TEAD4: variants seen among roughly 807,000 people sequenced by gnomAD.
TEAD4 encodes the protein transcriptional enhancer factor TEF-3.
In TEAD4, 36 loss-of-function variants were observed where a neutral mutation model predicts 52.4. That is an observed-to-expected ratio of 0.69 (90% CI 0.53 to 0.91). TEAD4 has a LOEUF of 0.91. Among genes scored for constraint, TEAD4 ranks in the 40% least tolerant of loss-of-function variants. The pLI, the probability that TEAD4 is intolerant of heterozygous loss-of-function variation, is 0.00. For synonymous variants in TEAD4, 220 were observed against 231.0 expected (o/e 0.95, Z 0.43); for missense variants, 508 against 583.9 (o/e 0.87, Z 1.34).
At chr12:2,999,443 C>T (rs560156168) in intron 3 of TEAD4, among the ~76,000 whole-genome samples, 84 of 152,322 alleles carry the variant, frequency 5.5e-4, no homozygotes, top group African/African-American at 1.9e-3. Context: ...CTCCGAGCTC[C>T]GCCCACGGAA....
chr12:2,981,012 A>G (rs2098233713), intron 2 of TEAD4, among the ~76,000 whole-genome samples: 1 of 152,174 alleles, frequency 6.6e-6, no homozygotes, highest in South Asian at 2.1e-4. Context: ...TCACCTGCCA[A>G]ATGGGGCAGT....
intron 3 of TEAD4, among the ~76,000 whole-genome samples, chr12:2,999,099 T>A (rs1221699004): frequency 6.6e-6 from 1 of 152,158 alleles, no homozygotes; most frequent in Non-Finnish European, 1.5e-5. Context: ...ACCCCCAGTG[T>A]GTGGGATGGG....
intron 2 of TEAD4, among the ~76,000 whole-genome samples, chr12:2,989,596 G>A (rs2098241448): frequency 2.0e-5 from 3 of 151,896 alleles, no homozygotes; most frequent in African/African-American, 4.8e-5. Flanking sequence ...CCACCACCAC[G>A]CCCAGCTAAT....
chr12:3,016,634 C>G (rs2098264750), intron 5 of TEAD4, among the ~76,000 whole-genome samples: 1 of 151,234 alleles, frequency 6.6e-6, no homozygotes, highest in African/African-American at 2.4e-5. Context: ...AAGAAAAAGA[C>G]ACAGTTTCCA....
chr12:3,020,817 C>T (rs746904718), intron 9 of TEAD4, 44 bp downstream of exon 9: 13 of 1,499,068 alleles, frequency 8.7e-6, no homozygotes, highest in Non-Finnish European at 1.2e-5. Flanking sequence ...GTCACCCCCT[C>T]TCCCTCTGTT....
chr12:3,005,726 C>T (rs2098255420), intron 3 of TEAD4, among the ~76,000 whole-genome samples: 1 of 152,130 alleles, frequency 6.6e-6, no homozygotes, highest in African/African-American at 2.4e-5. Context: ...GTCTCAATCT[C>T]CTGACCTCGT....
intron 2 of TEAD4, among the ~76,000 whole-genome samples, chr12:2,969,473 T>G (rs576595314): frequency 6.6e-6 from 1 of 152,266 alleles, no homozygotes; most frequent in South Asian, 2.1e-4. Flanking sequence ...TATGTAGAAC[T>G]TACTAGGGAT....
At chr12:2,990,439 A>T (rs2098242060) in intron 2 of TEAD4, among the ~76,000 whole-genome samples, 1 of 142,594 alleles carries the variant, frequency 7.0e-6, no homozygotes, top group African/African-American at 2.6e-5. Flanking sequence ...TTATATCTAG[A>T]ATTTAGGCTA....
rs561553600 is a variant in TEAD4, at chr12:2,985,956, G to A, written c.-29-8782G>A. Among the ~76,000 whole-genome samples the A allele has an allele frequency of 1.8e-4, 28 of 151,948 alleles. No homozygotes were observed. The South Asian group carries it at 5.6e-3, about 30-fold the overall frequency. ...CAAAAAATTAGCCAGGCATGGCGGCGGTTGCCTGTAATCCCAGCTACTGGG... is the reference window on the plus strand; with the variant it reads ...CAAAAAATTAGCCAGGCATGGCGGCAGTTGCCTGTAATCCCAGCTACTGGG... On this transcript the variant is annotated intron_variant, in intron 2 of 12. Coordinates refer to ENST00000359864, the MANE Select transcript of TEAD4 (RefSeq NM_003213.4).
chr12:2,965,025 C>T (rs961257838), intron 2 of TEAD4, among the ~76,000 whole-genome samples: 1 of 151,992 alleles, frequency 6.6e-6, no homozygotes. Context: ...ACTGCCAGGA[C>T]CTGGAAGGAG....
rs2098281909 is a variant in TEAD4, at chr12:3,040,262, G to A, written c.1191+3G>A. The stretch of plus-strand genomic sequence containing the variant: ...TGGAGAACTTCACCATCCTGCAGGT[G>A]TGCGGCGGGTGCTGCGGGTGTGGCT... On this transcript the variant is annotated splice_donor_region_variant and intron_variant, in intron 12 of 12. Transcript: ENST00000359864. The A allele has an allele frequency of 1.2e-6, 2 of 1,614,194 alleles. No individual in the cohort carries two copies. Among genetic ancestry groups the A allele is most frequent in the Non-Finnish European group, 1.7e-6 (2 of 1,180,000 alleles).
intron 2 of TEAD4, among the ~76,000 whole-genome samples, chr12:2,988,838 G>A (rs2098240796): frequency 6.6e-6 from 1 of 152,208 alleles, no homozygotes; most frequent in Non-Finnish European, 1.5e-5. Context: ...TGTTCGAGGA[G>A]CTTCCAGAAA....
chr12:2,977,448 C>A (rs558871252), intron 2 of TEAD4, among the ~76,000 whole-genome samples: 6 of 152,216 alleles, frequency 3.9e-5, no homozygotes, highest in South Asian at 2.1e-4. Context: ...GGCCTCCCCC[C>A]CTCTCACCTG....
chr12:3,003,785 C>T (rs1389216029), intron 3 of TEAD4, among the ~76,000 whole-genome samples: 3 of 152,180 alleles, frequency 2.0e-5, no homozygotes, highest in Non-Finnish European at 2.9e-5. Context: ...CCACCTGCCA[C>T]GTTGCAATGC....
intron 10 of TEAD4, among the ~76,000 whole-genome samples, chr12:3,028,306 A>G (rs2098273310): frequency 6.6e-6 from 1 of 152,136 alleles, no homozygotes; most frequent in Non-Finnish European, 1.5e-5. Flanking sequence ...GTTCATTTTC[A>G]TTTCCATATG....
chr12:2,973,090 T>C (rs1022069446), intron 2 of TEAD4, among the ~76,000 whole-genome samples: 4 of 149,800 alleles, frequency 2.7e-5, no homozygotes, highest in African/African-American at 7.7e-5. Flanking sequence ...AATGGAATCA[T>C]GCAGTTACAT....
At chr12:3,019,847 C>G (rs1185580046) in intron 8 of TEAD4, among the ~76,000 whole-genome samples, 1 of 152,168 alleles carries the variant, frequency 6.6e-6, no homozygotes, top group Admixed American at 6.5e-5. Flanking sequence ...TTCTCTCGTT[C>G]ACACATCAAA....
At position 3,018,574 on chromosome 12, in the gene TEAD4, C is replaced by A. The variant is rs377350544; in HGVS notation, c.513C>A (p.Ala171=). Residue 171 remains alanine, a synonymous_variant, in exon 7 of 13, where the codon GCC becomes GCA. Coordinates refer to ENST00000359864, the MANE Select transcript of TEAD4 (RefSeq NM_003213.4). ...GGCAAGGAGCTTTGCCAGGCCAAGC[C>A]GGAACGTCCCATGAGTGAGTATGGC... The A allele has an allele frequency of 6.2e-7, 1 of 1,614,098 alleles. No homozygotes were observed. The highest frequency in any genetic ancestry group is 1.1e-5 in the South Asian group (1 of 91,086).
At chr12:3,038,381 A>G (rs2098280684) in intron 11 of TEAD4, among the ~76,000 whole-genome samples, 1 of 152,218 alleles carries the variant, frequency 6.6e-6, no homozygotes, top group African/African-American at 2.4e-5. Context: ...GAGCCGCAGC[A>G]CAGGCAGAGC....
Sources: gnomAD v4.1 joint callset for allele counts (sites outside exome capture counted in the v4.1 genomes callset) on GRCh38, gnomAD v4.1.1 for gene constraint, MANE v1.5 for transcripts, NCBI Gene and HGNC (gene_info 2026-07-23, HGNC 2026-07-21) for gene names.